The following DYRK3 variants were observed in gnomAD, a reference collection of about 807,000 sequenced individuals.
The protein encoded by DYRK3 is dual specificity tyrosine phosphorylation regulated kinase 3.
A neutral mutation model predicts 40.8 loss-of-function variants in DYRK3; 30 were observed. That is an observed-to-expected ratio of 0.74 (90% CI 0.55 to 1.00). DYRK3 has a LOEUF of 1.00. Among genes scored for constraint, DYRK3 ranks in the 50% least tolerant of loss-of-function variants. DYRK3 has a pLI of 0.00. For missense variants in DYRK3, 699 were observed against 731.5 expected (o/e 0.96, Z 0.51); for synonymous variants, 272 against 260.7 (o/e 1.04, Z -0.42).
rs939543622 is a variant in DYRK3 at position 206,653,712 on chromosome 1, A to G, written c.*4747A>G. 3.3e-5 allele frequency among the ~76,000 whole-genome samples: 5 copies of G among 152,240 alleles called. No homozygotes were observed. Among genetic ancestry groups the G allele is most frequent in the Non-Finnish European group, 5.9e-5 (4 of 68,040 alleles). The stretch of plus-strand genomic sequence containing the variant: ...CTTGATAATAATGAAAAAAAAATGA[A>G]TACCACCAAAACCTAACTATGATGT... On this transcript the variant is annotated 3_prime_UTR_variant, in exon 3 of 3. Transcript: ENST00000367109.
In DYRK3 at chr1:206,649,446, G is replaced by A. The variant is rs1161982228; in HGVS notation, c.*481G>A. 6.6e-6 allele frequency among the ~76,000 whole-genome samples: 1 copy of A among 152,216 alleles called. No individual in the cohort carries two copies. The highest frequency in any genetic ancestry group is 1.9e-4 in the East Asian group (1 of 5,202). On this transcript the variant is annotated 3_prime_UTR_variant, in exon 3 of 3. Coordinates refer to ENST00000367109, the MANE Select transcript of DYRK3 (RefSeq NM_003582.4). ...TAGGTGAAAGAGCTCACAGCAGACTGTGGGGTGGGGGAGCACCAGGAAGCT... is the reference window on the plus strand; with the variant it reads ...TAGGTGAAAGAGCTCACAGCAGACTATGGGGTGGGGGAGCACCAGGAAGCT...
rs782554746 is a variant in DYRK3 at position 206,647,932 on chromosome 1, G to A, written c.734G>A (p.Arg245His). The change falls in exon 3 of 3, where the codon CGC becomes CAC. Residue 245 changes from arginine (R) to histidine (H), a missense_variant. Arg to His is a conservative substitution (Grantham distance 29). Transcript: ENST00000367109. ...VALKMVRNEK[R>H]FHRQAAEEIR... The stretch of plus-strand genomic sequence containing the variant: ...CTAAAAATGGTGCGCAATGAGAAGC[G>A]CTTTCATCGTCAAGCAGCTGAGGAG... 1.3e-5 allele frequency: 21 copies of A among 1,613,888 alleles called. No homozygotes were observed. Among genetic ancestry groups the A allele is most frequent in the South Asian group, 8.8e-5 (8 of 91,084 alleles).
chr1:206,635,879 A>C, intron 1 of DYRK3, 99 bp downstream of exon 1: 1 of 1,259,770 alleles, frequency 7.9e-7, no homozygotes, highest in Non-Finnish European at 1.0e-6. Context: ...GTGAGCCCTC[A>C]GTAGGAGGGA....
In DYRK3 at chr1:206,651,482, T is replaced by C. The variant is rs1671631217; in HGVS notation, c.*2517T>C. Among the ~76,000 whole-genome samples the C allele has an allele frequency of 6.6e-6, 1 of 152,240 alleles. No individual in the cohort carries two copies. The highest frequency in any genetic ancestry group is 1.5e-5 in the Non-Finnish European group (1 of 68,042). ...AACTCCAGGAAGTAGTACAGCATGA[T>C]TGAATCCTTCTTCAGTGAATCTTTT... is the stretch of plus-strand genomic sequence containing the variant. On this transcript the variant is annotated 3_prime_UTR_variant, in exon 3 of 3. Coordinates refer to ENST00000367109, the MANE Select transcript of DYRK3 (RefSeq NM_003582.4).
At position 206,647,341 on chromosome 1, in the gene DYRK3, A is replaced by C. The variant is rs781851007; in HGVS notation, c.190-47A>C. On this transcript the variant is annotated intron_variant, in intron 2 of 2. Coordinates refer to ENST00000367109, the MANE Select transcript of DYRK3 (RefSeq NM_003582.4). ...CAGTTGGAGGAGGGAGGATTCTTCC[A>C]TCTTTCTAATGTTTTTAATGACTTA... The C allele has an allele frequency of 4.6e-6, 7 of 1,511,638 alleles. No individual in the cohort carries two copies. The Admixed American group carries it at 1.6e-4, about 34-fold the overall frequency. The allele number at this position is 1,511,638 out of a possible 1,614,324, so 93.6% of individuals were successfully genotyped here.
chr1:206,645,580 C>T (rs1420948615), intron 2 of DYRK3, among the ~76,000 whole-genome samples: 1 of 151,992 alleles, frequency 6.6e-6, no homozygotes, highest in African/African-American at 2.4e-5. Flanking sequence ...GTAGCGTGAT[C>T]TTGGCTCACT....
At chr1:206,646,327 C>T (rs1449581190) in intron 2 of DYRK3, among the ~76,000 whole-genome samples, 3 of 151,858 alleles carry the variant, frequency 2.0e-5, no homozygotes, top group African/African-American at 7.3e-5. Flanking sequence ...CCTTCTTTTC[C>T]TCCATCTTAT....
intron 2 of DYRK3, among the ~76,000 whole-genome samples, chr1:206,638,575 C>CT (rs530299102): frequency 0.039 from 5,571 of 141,146 alleles, 234 homozygotes; most frequent in South Asian, 0.25. Context: ...TGCTTGGCAG[C>CT]TTTTTTTTTT....
rs199522696 is a variant in DYRK3 at position 206,648,096 on chromosome 1, A to T, written c.898A>T (p.Lys300Ter). ...GAGCATAGACCTTTATGAGCTGATT[A>T]AAAAAAATAAGTTTCAGGGTTTTAG... ...LLSIDLYELI[K>*]KNKFQGFSVQ... The change falls in exon 3 of 3, where the codon AAA becomes TAA. Residue 300 changes from lysine (K) to a stop codon, truncating the protein, a stop_gained. Coordinates refer to ENST00000367109, the MANE Select transcript of DYRK3 (RefSeq NM_003582.4). LOFTEE classifies it high-confidence loss of function. 10 of 1,613,848 alleles carry T rather than the reference A, an allele frequency of 6.2e-6. No homozygotes were observed. The East Asian group carries it at 1.6e-4, about 25-fold the overall frequency.
Position 206,635,645 on chromosome 1 carries a change from G to T in DYRK3, c.-59G>T. On this transcript the variant is annotated 5_prime_UTR_variant, in exon 1 of 3. Transcript: ENST00000367109. ...GGAGGCAGCCGTCCCGGCGTAGGTG[G>T]CGTGGCCGACCGGACCCCCAACTGG... The T allele has an allele frequency of 8.0e-7, 1 of 1,242,448 alleles. No homozygotes were observed. 77.0% of individuals were successfully genotyped at this position (1,242,448 alleles called of 1,614,324 possible).
At chr1:206,638,270 CT>C (rs55807350) in intron 2 of DYRK3, among the ~76,000 whole-genome samples, 19 of 73,532 alleles carry the variant, frequency 2.6e-4, no homozygotes, top group African/African-American at 5.4e-4. Context: ...AGACACTTAG[CT>C]TTTTTTTTTT....
intron 2 of DYRK3, among the ~76,000 whole-genome samples, chr1:206,642,893 G>A (rs1343829122): frequency 1.3e-5 from 2 of 151,660 alleles, no homozygotes; most frequent in African/African-American, 2.4e-5. Flanking sequence ...TGTAACCTGC[G>A]TGTGGTGCAC....
chr1:206,644,031 CTTTTT>C (rs556718022), intron 2 of DYRK3, among the ~76,000 whole-genome samples: 9 of 101,050 alleles, frequency 8.9e-5, no homozygotes, highest in Admixed American at 1.1e-4. Context: ...GGACCTACAG[CTTTTT>C]TTTTTTTTTT....
At position 206,654,799 on chromosome 1, in the gene DYRK3, T is replaced by C. The variant is rs1179385865; in HGVS notation, c.*5834T>C. 6.6e-6 allele frequency among the ~76,000 whole-genome samples: 1 copy of C among 152,208 alleles called. No individual in the cohort carries two copies. The highest frequency in any genetic ancestry group is 1.5e-5 in the Non-Finnish European group (1 of 68,040). On this transcript the variant is annotated 3_prime_UTR_variant, in exon 3 of 3. Transcript: ENST00000367109. The stretch of plus-strand genomic sequence containing the variant: ...TCGTCTAGACTTTGAAGAAGCAGGG[T>C]ATGATTCTTAATATAGCCCACCCAT...
At chr1:206,636,881 A>AG in intron 1 of DYRK3, 1 of 1,606,964 alleles carries the variant, frequency 6.2e-7, no homozygotes, top group Non-Finnish European at 8.5e-7. Context: ...ACAGTGGTGG[A>AG]GCCACAGTGT....
chr1:206,642,989 C>G (rs1553419564), intron 2 of DYRK3, among the ~76,000 whole-genome samples: 2 of 151,736 alleles, frequency 1.3e-5, no homozygotes, highest in Non-Finnish European at 2.9e-5. Context: ...GAAAAATTAC[C>G]TCCCAGAATT....
intron 1 of DYRK3, chr1:206,637,023 C>T (rs549368733): frequency 2.3e-5 from 31 of 1,334,756 alleles, no homozygotes; most frequent in Non-Finnish European, 3.2e-5. Context: ...TGCTGTAGTA[C>T]TTACTGTATT....
At position 206,649,959 on chromosome 1, in the gene DYRK3, T is replaced by C. The variant is rs1209972034; in HGVS notation, c.*994T>C. On this transcript the variant is annotated 3_prime_UTR_variant, in exon 3 of 3. Coordinates refer to ENST00000367109, the MANE Select transcript of DYRK3 (RefSeq NM_003582.4). ...TTTCCCCCCACTTTCACGTTAAGCT[T>C]AATGCTATTCCCTAGATCTGAGTGA... is the stretch of plus-strand genomic sequence containing the variant. 6.6e-6 allele frequency among the ~76,000 whole-genome samples: 1 copy of C among 152,192 alleles called. No individual in the cohort carries two copies. Among genetic ancestry groups the C allele is most frequent in the Non-Finnish European group, 1.5e-5 (1 of 68,036 alleles).
chr1:206,648,879 A>G lies in DYRK3; in HGVS notation c.1681A>G (p.Ile561Val). ...TTCTAAGCTGCCTCCAGTTGTTGGA[A>G]TAGCCAATAAGCTTAAAGCTAACTT... ...LGSKLPPVVG[I>V]ANKLKANLMS... The change falls in exon 3 of 3, where the codon ATA (isoleucine) becomes GTA (valine). Residue 561 changes from isoleucine (I) to valine (V), a missense_variant. Transcript: ENST00000367109. 6.2e-7 allele frequency: 1 copy of G among 1,614,240 alleles called. No homozygotes were observed. The highest frequency in any genetic ancestry group is 8.5e-7 in the Non-Finnish European group (1 of 1,180,040).
Sources: gnomAD v4.1 joint callset for allele counts (sites outside exome capture counted in the v4.1 genomes callset) on GRCh38, gnomAD v4.1.1 for gene constraint, MANE v1.5 for transcripts, NCBI Gene and HGNC (gene_info 2026-07-23, HGNC 2026-07-21) for gene names.